The following PRELID2 variants were observed in gnomAD, a reference collection of about 807,000 sequenced individuals.
PRELID2 encodes the protein PRELI domain-containing protein 2.
A neutral mutation model predicts 28.4 loss-of-function variants in PRELID2; 25 were observed. The ratio of observed to expected loss-of-function variants is 0.88; its 90% CI spans 0.64 to 1.23. The LOEUF is 1.23. Ranked by LOEUF, PRELID2 falls within the 50% of genes most tolerant of loss-of-function variation. The probability of loss-of-function intolerance (pLI) is 0.00; values close to 1 mark genes in which losing one functional copy is unlikely to be tolerated. For missense variants in PRELID2, 201 were observed against 214.4 expected, an observed-to-expected ratio of 0.94 and a Z score of 0.39; for synonymous variants, 76 against 71.6, an observed-to-expected ratio of 1.06 and a Z score of -0.31.
At chr5:145,581,979 G>T (rs1753111467) in intron 1 of PRELID2, among the ~76,000 whole-genome samples, 1 of 152,036 alleles carries the variant, frequency 6.6e-6, no homozygotes, top group Non-Finnish European at 1.5e-5. Flanking sequence ...AGAAATCACA[G>T]AAAATAATCC....
chr5:145,295,357 A>T, the PRELID2 span, among the ~76,000 whole-genome samples: 3 of 152,142 alleles, frequency 2.0e-5, no homozygotes, highest in African/African-American at 7.2e-5. Context: ...TTTTCTAAGT[A>T]GGAGGGTGGT....
chr5:145,345,688 GA>G, the PRELID2 span, among the ~76,000 whole-genome samples: 2 of 151,908 alleles, frequency 1.3e-5, no homozygotes, highest in Non-Finnish European at 2.9e-5. Context: ...TGCTTTGAAG[GA>G]AAAAAACACA....
At chr5:145,803,538 C>T (rs1018581343) in intron 4 of PRELID2, among the ~76,000 whole-genome samples, 3 of 152,058 alleles carry the variant, frequency 2.0e-5, no homozygotes, top group African/African-American at 7.2e-5. Context: ...GTTCCTGAAG[C>T]TCTGTGAAGT....
intron 1 of PRELID2, among the ~76,000 whole-genome samples, chr5:145,551,213 C>T (rs1185808643): frequency 1.3e-5 from 2 of 151,856 alleles, no homozygotes; most frequent in South Asian, 4.2e-4. Context: ...CCAGCCTGGC[C>T]AACATGGTGA....
intron 1 of PRELID2, among the ~76,000 whole-genome samples, chr5:145,727,764 T>C (rs62392317): frequency 0.047 from 7,155 of 152,294 alleles, 251 homozygotes; most frequent in South Asian, 0.15. Flanking sequence ...CCATGGTCTA[T>C]TTAGAGACAC....
intron 1 of PRELID2, among the ~76,000 whole-genome samples, chr5:145,581,593 T>TA (rs1382310135): frequency 1.3e-5 from 2 of 152,066 alleles, no homozygotes; most frequent in Non-Finnish European, 2.9e-5. Flanking sequence ...TGTTAGGAGT[T>TA]AAAATCTTTA....
chr5:145,575,432 A>C (rs1753052261), intron 1 of PRELID2, among the ~76,000 whole-genome samples: 1 of 152,188 alleles, frequency 6.6e-6, no homozygotes, highest in Admixed American at 6.6e-5. Context: ...CACCGTGCCT[A>C]GCTTTCTGAA....
the PRELID2 span, among the ~76,000 whole-genome samples, chr5:145,414,834 CAGA>C: frequency 6.6e-6 from 1 of 152,146 alleles, no homozygotes; most frequent in Non-Finnish European, 1.5e-5. Context: ...ATGGCATAGG[CAGA>C]ATGATTTCAT....
At chr5:145,360,536 C>T in the PRELID2 span, among the ~76,000 whole-genome samples, 1 of 152,134 alleles carries the variant, frequency 6.6e-6, no homozygotes, top group Non-Finnish European at 1.5e-5. Context: ...TGGAAAATAA[C>T]AGCCCCTGAG....
chr5:145,796,585 C>G (rs1192260383), intron 4 of PRELID2, 38 bp from the exon 5 acceptor site: 2 of 1,334,340 alleles, frequency 1.5e-6, no homozygotes, highest in Non-Finnish European at 2.1e-6. Context: ...TGATGTCATT[C>G]TATGCTTGGA....
intron 6 of PRELID2, among the ~76,000 whole-genome samples, 188 bp downstream of exon 6, chr5:145,764,743 T>C (rs908736635): frequency 6.6e-6 from 1 of 152,190 alleles, no homozygotes; most frequent in Non-Finnish European, 1.5e-5. Flanking sequence ...ACAAAACTGC[T>C]CTGAAAATCA....
intron 1 of PRELID2, among the ~76,000 whole-genome samples, chr5:145,659,012 C>A (rs189007232): frequency 1.3e-5 from 2 of 152,202 alleles, no homozygotes; most frequent in East Asian, 3.9e-4. Flanking sequence ...GAACTCAAGG[C>A]AGAAAGAGTT....
the PRELID2 span, among the ~76,000 whole-genome samples, chr5:145,366,158 G>C: frequency 6.6e-6 from 1 of 151,840 alleles, no homozygotes; most frequent in Non-Finnish European, 1.5e-5. Flanking sequence ...GAGGACACAT[G>C]TTTCACAATT....
chr5:145,416,143 G>C, the PRELID2 span, among the ~76,000 whole-genome samples: 2 of 151,826 alleles, frequency 1.3e-5, no homozygotes, highest in African/African-American at 4.8e-5. Context: ...TTTTTTTCTT[G>C]TAAATTTGTT....
At chr5:145,816,702 T>A (rs1754329276) in intron 4 of PRELID2, among the ~76,000 whole-genome samples, 1 of 152,202 alleles carries the variant, frequency 6.6e-6, no homozygotes. Flanking sequence ...TCCCCATTGA[T>A]TGGTCTTGTA....
the PRELID2 span, among the ~76,000 whole-genome samples, chr5:145,412,732 T>C: frequency 6.6e-6 from 1 of 152,172 alleles, no homozygotes; most frequent in Non-Finnish European, 1.5e-5. Flanking sequence ...CATTAGTTTG[T>C]CCTCAAACTG....
intron 1 of PRELID2, among the ~76,000 whole-genome samples, chr5:145,623,808 G>A (rs577596065): frequency 9.2e-5 from 14 of 152,176 alleles, no homozygotes; most frequent in East Asian, 3.9e-4. Flanking sequence ...TTCCAACAGC[G>A]CTCCCCAACT....
At chr5:145,334,096 G>C in the PRELID2 span, among the ~76,000 whole-genome samples, 182 of 152,206 alleles carry the variant, frequency 1.2e-3, 1 homozygote, top group African/African-American at 4.3e-3. Context: ...ACCTCCATAG[G>C]CTGCATCCAC....
the PRELID2 span, among the ~76,000 whole-genome samples, chr5:145,234,488 T>C: frequency 2.0e-5 from 3 of 152,054 alleles, no homozygotes; most frequent in Non-Finnish European, 4.4e-5. Flanking sequence ...TACTTCCTTA[T>C]AAAGAAAGGA....
Sources: allele counts gnomAD v4.1 joint callset (sites outside exome capture counted in the v4.1 genomes callset), GRCh38; gene constraint gnomAD v4.1.1; transcripts MANE v1.5; gene names NCBI Gene and HGNC (gene_info 2026-07-23, HGNC 2026-07-21).